DIP2C: variants seen among roughly 807,000 people sequenced by gnomAD.
DIP2C encodes the protein DIP2 acetate--CoA ligase C (putative), also known as disco-interacting protein 2 homolog C.
In DIP2C, 33 loss-of-function variants were observed where a neutral mutation model predicts 192.4. The observed-to-expected ratio is 0.17, with a 90% CI of 0.13 to 0.23. DIP2C has a LOEUF of 0.23. DIP2C is among the 10% of genes least tolerant of loss of function. The pLI, the probability that DIP2C is intolerant of heterozygous loss-of-function variation, is 1.00. For missense variants in DIP2C, 1,537 were observed against 2,110.1 expected (o/e 0.73, Z 5.32); for synonymous variants, 979 against 864.1 (o/e 1.13, Z -2.33).
At position 407,647 on chromosome 10, in the gene DIP2C, C is replaced by T. The variant is rs573029669; in HGVS notation, c.1149+1279G>A. Among the ~76,000 whole-genome samples the T allele has an allele frequency of 3.3e-5, 5 of 152,258 alleles. No homozygotes were observed. In the South Asian group the frequency reaches 1.0e-3, roughly 32 times the overall value. ...CTTCTCGGTGTAAAGCAGCATTTCACTGAGGTTTTGCTTTGCTTTTCCCTG... is the reference window on the plus strand; with the variant it reads ...CTTCTCGGTGTAAAGCAGCATTTCATTGAGGTTTTGCTTTGCTTTTCCCTG... On this transcript the variant is annotated intron_variant, in intron 9 of 36. Transcript: ENST00000280886.
chr10:300,761 G>A (rs948504480), intron 32 of DIP2C, among the ~76,000 whole-genome samples: 2 of 147,932 alleles, frequency 1.4e-5, no homozygotes, highest in African/African-American at 2.5e-5. Flanking sequence ...TGGAGAAGCC[G>A]GAACCCAGGG....
intron 4 of DIP2C, among the ~76,000 whole-genome samples, chr10:438,856 G>T (rs113107303): frequency 5.3e-5 from 8 of 151,604 alleles, no homozygotes; most frequent in Non-Finnish European, 1.0e-4. Context: ...GGGTCTTGCT[G>T]TGTTTCCCAG....
intron 5 of DIP2C, among the ~76,000 whole-genome samples, chr10:421,264 T>G (rs1017689896): frequency 6.6e-6 from 1 of 152,242 alleles, no homozygotes; most frequent in Admixed American, 6.5e-5. Flanking sequence ...ATACATTCTT[T>G]GTACTAAAAC....
chr10:424,599 C>T (rs573659585), intron 4 of DIP2C, among the ~76,000 whole-genome samples: 2 of 152,028 alleles, frequency 1.3e-5, no homozygotes, highest in East Asian at 1.9e-4. Context: ...CTCCTGACCT[C>T]GTGATTTACC....
intron 10 of DIP2C, among the ~76,000 whole-genome samples, chr10:393,075 CTGTCCTT>C (rs1963627345): frequency 6.6e-6 from 1 of 152,216 alleles, no homozygotes; most frequent in Non-Finnish European, 1.5e-5. Flanking sequence ...CCTCAGTCCT[CTGTCCTT>C]GGAAAGGTGG....
intron 1 of DIP2C, among the ~76,000 whole-genome samples, chr10:581,552 C>T (rs889581079): frequency 2.6e-5 from 4 of 152,140 alleles, no homozygotes; most frequent in Admixed American, 1.3e-4. Flanking sequence ...AAGATTTATA[C>T]TAAATGATTT....
At chr10:645,230 A>C (rs897580) in intron 1 of DIP2C, among the ~76,000 whole-genome samples, 149,587 of 152,322 alleles carry the variant, frequency 0.98, 73,507 homozygotes, top group Middle Eastern at 1. Context: ...TCCAGAGCTG[A>C]GTCTCCAGAA....
Position 277,252 on chromosome 10 carries a change from T to C in DIP2C, c.*73A>G, listed in dbSNP as rs1954564250. On this transcript the variant is annotated 3_prime_UTR_variant, in exon 37 of 37. Transcript: ENST00000280886. Reference sequence around the variant, plus strand: ...GTATTCTGGTGAGTGTTGCCCTGTGTCTGCACGCTTCAGTGGACACGGAGA... The same window carrying C: ...GTATTCTGGTGAGTGTTGCCCTGTGCCTGCACGCTTCAGTGGACACGGAGA... The C allele has an allele frequency of 1.3e-6, 2 of 1,573,506 alleles. No individual in the cohort carries two copies. The highest frequency in any genetic ancestry group is 3.4e-5 in the Admixed American group (2 of 58,740).
At chr10:472,204 T>C (rs1437280729) in intron 3 of DIP2C, among the ~76,000 whole-genome samples, 1 of 152,216 alleles carries the variant, frequency 6.6e-6, no homozygotes, top group Non-Finnish European at 1.5e-5. Context: ...TATAATCTTT[T>C]TAATTAATAT....
intron 1 of DIP2C, among the ~76,000 whole-genome samples, chr10:635,989 C>A (rs953984926): frequency 1.3e-5 from 2 of 152,204 alleles, no homozygotes; most frequent in Non-Finnish European, 2.9e-5. Flanking sequence ...GAAGCCGTTA[C>A]CACAGATGCT....
intron 1 of DIP2C, among the ~76,000 whole-genome samples, chr10:556,556 C>CCT (rs1848884642): frequency 6.6e-6 from 1 of 151,130 alleles, no homozygotes; most frequent in Non-Finnish European, 1.5e-5. Flanking sequence ...GAACACAGCT[C>CCT]CTCCCTCACA....
chr10:575,650 G>C (rs970433779), intron 1 of DIP2C, among the ~76,000 whole-genome samples: 3 of 152,164 alleles, frequency 2.0e-5, no homozygotes, highest in Admixed American at 1.3e-4. Flanking sequence ...ACATCCAAGA[G>C]CAGAAGGGAG....
Position 362,625 on chromosome 10 carries a change from T to G in DIP2C, c.2659A>C (p.Lys887Gln), listed in dbSNP as rs1959672411. 1 of 1,614,122 alleles carries G rather than the reference T, an allele frequency of 6.2e-7. No individual in the cohort carries two copies. Among genetic ancestry groups the G allele is most frequent in the Non-Finnish European group, 8.5e-7 (1 of 1,180,002 alleles). Reference protein sequence around the residue: ...LALVPANTLPKTPLGGIHLSE... With the variant: ...LALVPANTLPQTPLGGIHLSE... ...AAATGGATCCCACCAAGCGGGGTTT[T>G]GGGGAGGGTGTTTGCTGGCACCAAG... Residue 887 changes from lysine (K) to glutamine (Q), a missense_variant, in exon 22 of 37, where the codon AAA (lysine) becomes CAA (glutamine). Around this residue, in one of 4 missense-constraint regions of DIP2C, gnomAD observed 677 missense variants for 989.9 expected, o/e 0.68. Coordinates refer to ENST00000280886, the MANE Select transcript of DIP2C (RefSeq NM_014974.3).
rs1589677793 is a variant in DIP2C at position 387,734 on chromosome 10, A to G, written c.1662+11T>C. On this transcript the variant is annotated intron_variant, in intron 14 of 36. Transcript: ENST00000280886. ...TTTGTGGACAGACACGGCCGGGGGG[A>G]CCTCACTTACTGTCAGGATGCCATG... The G allele has an allele frequency of 6.2e-7, 1 of 1,613,240 alleles. No individual in the cohort carries two copies.
intron 2 of DIP2C, among the ~76,000 whole-genome samples, chr10:479,599 G>T (rs1843434619): frequency 6.6e-6 from 1 of 152,072 alleles, no homozygotes; most frequent in Non-Finnish European, 1.5e-5. Flanking sequence ...CTCCCAAAGT[G>T]CTGGAATTAT....
chr10:326,334 G>A (rs547884951), intron 31 of DIP2C, among the ~76,000 whole-genome samples: 11 of 152,256 alleles, frequency 7.2e-5, no homozygotes, highest in Middle Eastern at 3.4e-3. Flanking sequence ...GGGAGCCTTC[G>A]GAGGCTCACC....
intron 1 of DIP2C, among the ~76,000 whole-genome samples, chr10:570,608 C>T (rs1261197101): frequency 2.6e-5 from 4 of 152,214 alleles, no homozygotes; most frequent in African/African-American, 7.2e-5. Context: ...CAAACCTCCC[C>T]TACCACCCGA....
At chr10:586,841 C>T (rs1028699077) in intron 1 of DIP2C, among the ~76,000 whole-genome samples, 1 of 137,930 alleles carries the variant, frequency 7.3e-6, no homozygotes, top group African/African-American at 3.5e-5. Flanking sequence ...ATGCTGCCCC[C>T]CACATTTTGT....
intron 1 of DIP2C, among the ~76,000 whole-genome samples, chr10:683,491 G>A (rs1334614228): frequency 6.6e-6 from 1 of 152,172 alleles, no homozygotes; most frequent in Admixed American, 6.5e-5. Context: ...GTTCGGGAAG[G>A]GAAGGTGGAA....
Sources: allele counts gnomAD v4.1 joint callset (sites outside exome capture counted in the v4.1 genomes callset), GRCh38; gene constraint gnomAD v4.1.1; regional missense constraint gnomAD v4.1.1; transcripts MANE v1.5; gene names NCBI Gene and HGNC (gene_info 2026-07-23, HGNC 2026-07-21).